PRIM2: variants seen among roughly 807,000 people sequenced by gnomAD.
PRIM2 encodes DNA primase subunit 2.
A neutral mutation model predicts 67.3 loss-of-function variants in PRIM2; 39 were observed. That is an observed-to-expected ratio of 0.58 (90% CI 0.45 to 0.76). PRIM2 has a LOEUF of 0.76. Among genes scored for constraint, PRIM2 ranks in the 30% least tolerant of loss-of-function variants. The pLI, the probability that PRIM2 is intolerant of heterozygous loss-of-function variation, is 0.00. For synonymous variants in PRIM2, 143 were observed against 198.7 expected (o/e 0.72, Z 2.36); for missense variants, 398 against 598.7 (o/e 0.66, Z 3.50).
chr6:57,225,342 C>T, the PRIM2 span, among the ~76,000 whole-genome samples: 1 of 152,178 alleles, frequency 6.6e-6, no homozygotes, highest in Non-Finnish European at 1.5e-5. Context: ...CAATTAAAGT[C>T]TACTTTTTAT....
intron 2 of PRIM2, among the ~76,000 whole-genome samples, chr6:57,319,709 G>A (rs1767586416): frequency 6.6e-6 from 1 of 152,126 alleles, no homozygotes; most frequent in Non-Finnish European, 1.5e-5. Flanking sequence ...GAGTGAGGGA[G>A]CAGGTGTGGA....
chr6:57,304,917 T>C, the PRIM2 span, among the ~76,000 whole-genome samples: 35,709 of 152,140 alleles, frequency 0.23, 4,575 homozygotes, highest in East Asian at 0.46. Context: ...ATAGATTATA[T>C]GTTGTTGCTC....
chr6:57,481,808 A>G (rs1773636104), intron 7 of PRIM2, among the ~76,000 whole-genome samples: 1 of 152,170 alleles, frequency 6.6e-6, no homozygotes, highest in Non-Finnish European at 1.5e-5. Context: ...GTCTAGTAGT[A>G]TCTCATTATG....
the PRIM2 span, among the ~76,000 whole-genome samples, chr6:57,269,320 G>A: frequency 2.5e-3 from 376 of 150,820 alleles, 1 homozygote; most frequent in African/African-American, 8.6e-3. Context: ...TTTAATGATC[G>A]CCATTCTAAC....
chr6:57,266,847 A>G, the PRIM2 span, among the ~76,000 whole-genome samples: 1 of 152,198 alleles, frequency 6.6e-6, no homozygotes, highest in Non-Finnish European at 1.5e-5. Context: ...TGGAGTGGGT[A>G]TCTTAACGTC....
intron 10 of PRIM2, among the ~76,000 whole-genome samples, chr6:57,581,291 G>C (rs1189489985): frequency 1.3e-5 from 2 of 152,078 alleles, no homozygotes; most frequent in African/African-American, 2.4e-5. Flanking sequence ...GGTGATACTT[G>C]TTTTATGTTG....
At chr6:57,478,075 A>T (rs1165254719) in intron 7 of PRIM2, among the ~76,000 whole-genome samples, 70 of 152,278 alleles carry the variant, frequency 4.6e-4, no homozygotes, top group African/African-American at 1.7e-3. Flanking sequence ...AGGTGTAGAG[A>T]TTTCTCACTT....
chr6:57,642,896 C>T (rs1205320317), intron 13 of PRIM2, among the ~76,000 whole-genome samples: 18 of 152,250 alleles, frequency 1.2e-4, no homozygotes, highest in African/African-American at 4.3e-4. Flanking sequence ...GTTTGGATTC[C>T]TTAAAGTAGA....
chr6:57,448,085 T>C (rs1219791295), intron 7 of PRIM2, among the ~76,000 whole-genome samples: 2 of 152,198 alleles, frequency 1.3e-5, no homozygotes, highest in African/African-American at 2.4e-5. Context: ...TATAAAAATA[T>C]TGCCTTCAAA....
chr6:57,365,688 G>A (rs1319106257), intron 5 of PRIM2, among the ~76,000 whole-genome samples: 14 of 152,124 alleles, frequency 9.2e-5, no homozygotes, highest in Admixed American at 7.9e-4. Flanking sequence ...GGCTGTGTGC[G>A]GTAGCTCGCG....
At chr6:57,510,920 C>A (rs1463782152) in intron 8 of PRIM2, among the ~76,000 whole-genome samples, 3 of 151,710 alleles carry the variant, frequency 2.0e-5, no homozygotes, top group African/African-American at 7.3e-5. Flanking sequence ...TTTGCATGAA[C>A]TGTGTAATTT....
At chr6:57,401,027 T>G (rs1770689432) in intron 7 of PRIM2, among the ~76,000 whole-genome samples, 1 of 152,192 alleles carries the variant, frequency 6.6e-6, no homozygotes, top group Non-Finnish European at 1.5e-5. Flanking sequence ...GTTGTGATTC[T>G]TAGTTTTCTT....
chr6:57,635,496 T>C (rs1241802788), intron 13 of PRIM2, among the ~76,000 whole-genome samples: 1 of 152,220 alleles, frequency 6.6e-6, no homozygotes, highest in Non-Finnish European at 1.5e-5. Context: ...ATGAAAACAC[T>C]AGGTCATGTG....
At chr6:57,356,398 C>G (rs1051613033) in intron 5 of PRIM2, among the ~76,000 whole-genome samples, 3 of 152,246 alleles carry the variant, frequency 2.0e-5, no homozygotes, top group Non-Finnish European at 4.4e-5. Context: ...TGTTACCATT[C>G]TAGCTTTTGT....
At chr6:57,585,265 A>G (rs1428990031) in intron 10 of PRIM2, among the ~76,000 whole-genome samples, 1 of 152,242 alleles carries the variant, frequency 6.6e-6, no homozygotes, top group Non-Finnish European at 1.5e-5. Context: ...AAAACTGACA[A>G]CCTTGGTAAT....
chr6:57,408,070 C>A (rs1300932529), intron 7 of PRIM2, among the ~76,000 whole-genome samples: 1 of 152,208 alleles, frequency 6.6e-6, no homozygotes, highest in Non-Finnish European at 1.5e-5. Context: ...GAAGCAGGCA[C>A]AAATATTCCT....
chr6:57,237,626 C>T, the PRIM2 span, among the ~76,000 whole-genome samples: 1 of 152,128 alleles, frequency 6.6e-6, no homozygotes, highest in Admixed American at 6.5e-5. Flanking sequence ...TTTCAGCTTT[C>T]TACATATGGC....
At chr6:57,298,543 G>A in the PRIM2 span, among the ~76,000 whole-genome samples, 2 of 151,974 alleles carry the variant, frequency 1.3e-5, no homozygotes, top group East Asian at 1.9e-4. Context: ...AGCAGGGCTC[G>A]GGGCAGAAAT....
intron 5 of PRIM2, among the ~76,000 whole-genome samples, chr6:57,340,922 G>A (rs546209200): frequency 6.6e-6 from 1 of 152,296 alleles, no homozygotes; most frequent in African/African-American, 2.4e-5. Context: ...GGAAATGTAT[G>A]CAGTTTTAAC....
Sources: gnomAD v4.1 joint callset for allele counts (sites outside exome capture counted in the v4.1 genomes callset) on GRCh38, gnomAD v4.1.1 for gene constraint, MANE v1.5 for transcripts, NCBI Gene and HGNC (gene_info 2026-07-23, HGNC 2026-07-21) for gene names.